IL1RAPL2: variants seen among roughly 807,000 people sequenced by gnomAD.
The protein encoded by IL1RAPL2 is interleukin 1 receptor accessory protein like 2, also known as X-linked interleukin-1 receptor accessory protein-like 2.
A neutral mutation model predicts 44.1 loss-of-function variants in IL1RAPL2; 3 were observed. That is an observed-to-expected ratio of 0.07 (90% CI 0.03 to 0.18). IL1RAPL2 has a LOEUF of 0.18. Among genes scored for constraint, IL1RAPL2 ranks in the 10% least tolerant of loss-of-function variants. The pLI, the probability that IL1RAPL2 is intolerant of heterozygous loss-of-function variation, is 1.00. For synonymous variants in IL1RAPL2, 181 were observed against 178.8 expected (o/e 1.01, Z -0.10); for missense variants, 391 against 496.4 (o/e 0.79, Z 2.02).
intron 6 of IL1RAPL2, among the ~76,000 whole-genome samples, chrX:105,568,826 TA>T (rs1417394161): frequency 2.9e-4 from 33 of 111,895 alleles, no homozygotes; most frequent in African/African-American, 1.0e-3. Flanking sequence ...ATGCTGGCTT[TA>T]AAAAATAAGT....
chrX:105,450,729 C>G (rs1311887539), intron 5 of IL1RAPL2, among the ~76,000 whole-genome samples: 1 of 111,892 alleles, frequency 8.9e-6, no homozygotes, highest in Non-Finnish European at 1.9e-5. Flanking sequence ...GAATAATAAT[C>G]TCTTTCATTT....
At chrX:104,595,905 A>G (rs1475662493) in intron 1 of IL1RAPL2, among the ~76,000 whole-genome samples, 1 of 79,644 alleles carries the variant, frequency 1.3e-5, no homozygotes. Flanking sequence ...GTTGGGGCCC[A>G]GGAACCTTTT....
chrX:105,447,458 CATAAATATAAATATAA>C (rs1217699982), intron 5 of IL1RAPL2, among the ~76,000 whole-genome samples: 5 of 54,539 alleles, frequency 9.2e-5, no homozygotes, highest in African/African-American at 1.5e-4. Context: ...TATAAATAAA[CATAAATATAAATATAA>C]ATAAATATAA....
intron 2 of IL1RAPL2, among the ~76,000 whole-genome samples, chrX:104,880,075 A>AT (rs11316128): frequency 7.4e-4 from 81 of 108,846 alleles, no homozygotes; most frequent in African/African-American, 2.3e-3. Context: ...CTGTTTTGCA[A>AT]TTTTTTTTTA....
In IL1RAPL2 at chrX:105,267,450, A is replaced by G; in HGVS notation, c.606A>G (p.Gln202=). The G allele has an allele frequency of 8.3e-7, 1 of 1,197,983 alleles. No individual in the cohort carries two copies. Among genetic ancestry groups the G allele is most frequent in the Non-Finnish European group, 1.1e-6 (1 of 885,101 alleles). ...IIQKGNALLI[Q]EVQEEDGGNY... ...AGAAAGGAAATGCTCTTCTGATCCA[A>G]GAAGTTCAAGAAGAAGATGGAGGAA... is the stretch of plus-strand genomic sequence containing the variant. The change falls in exon 5 of 11, where the codon CAA becomes CAG. Residue 202 remains glutamine (Q), a synonymous_variant. Coordinates refer to ENST00000372582, the MANE Select transcript of IL1RAPL2 (RefSeq NM_017416.2).
At chrX:104,890,853 T>G (rs142169986) in intron 2 of IL1RAPL2, among the ~76,000 whole-genome samples, 5,977 of 111,922 alleles carry the variant, frequency 0.053, 420 homozygotes, top group African/African-American at 0.19. Context: ...TTCTGGTGTT[T>G]TAGACATGAA....
chrX:105,538,032 CT>C (rs1191360462), intron 6 of IL1RAPL2, among the ~76,000 whole-genome samples: 111 of 80,712 alleles, frequency 1.4e-3, no homozygotes, highest in African/African-American at 3.4e-3. Context: ...ATTTTCCCTT[CT>C]TTTTTTTTTT....
intron 3 of IL1RAPL2, among the ~76,000 whole-genome samples, chrX:105,213,390 C>G (rs1029944521): frequency 1.8e-5 from 2 of 108,129 alleles, no homozygotes; most frequent in Non-Finnish European, 3.8e-5. Context: ...GATTGAACAT[C>G]AACTTACTGA....
At chrX:105,292,931 G>A (rs2034624848) in intron 5 of IL1RAPL2, among the ~76,000 whole-genome samples, 1 of 109,449 alleles carries the variant, frequency 9.1e-6, no homozygotes, top group Non-Finnish European at 1.9e-5. Flanking sequence ...GGCCAATATG[G>A]TGAAACTCCA....
intron 5 of IL1RAPL2, among the ~76,000 whole-genome samples, chrX:105,482,950 T>C (rs141008367): frequency 0.018 from 1,983 of 109,507 alleles, 52 homozygotes; most frequent in African/African-American, 0.063. Context: ...TAAGTAAGGG[T>C]TGTTTTATGA....
At chrX:105,389,408 C>T (rs971184792) in intron 5 of IL1RAPL2, among the ~76,000 whole-genome samples, 1 of 112,092 alleles carries the variant, frequency 8.9e-6, no homozygotes, top group African/African-American at 3.2e-5. Context: ...TTGACTCCCT[C>T]TCTTAATTAC....
chrX:105,654,392 C>T (rs1026668636), intron 6 of IL1RAPL2, among the ~76,000 whole-genome samples: 1 of 111,309 alleles, frequency 9.0e-6, no homozygotes, highest in Non-Finnish European at 1.9e-5. Context: ...CCTTTAATCT[C>T]TTACCTTAGC....
intron 2 of IL1RAPL2, among the ~76,000 whole-genome samples, chrX:105,062,386 T>C (rs2032086223): frequency 8.9e-6 from 1 of 111,955 alleles, no homozygotes; most frequent in African/African-American, 3.2e-5. Context: ...TATTGTACTA[T>C]CTATATCTTG....
intron 5 of IL1RAPL2, among the ~76,000 whole-genome samples, chrX:105,473,559 C>T (rs1313963015): frequency 6.2e-5 from 7 of 112,059 alleles, no homozygotes; most frequent in African/African-American, 1.6e-4. Flanking sequence ...ATTTAATATC[C>T]GGTTGTCATC....
At chrX:104,995,366 C>T (rs747057296) in intron 2 of IL1RAPL2, among the ~76,000 whole-genome samples, 3 of 111,710 alleles carry the variant, frequency 2.7e-5, no homozygotes, top group African/African-American at 9.7e-5. Context: ...TTAAAAGTAA[C>T]ATATTAGTAA....
At chrX:105,118,245 C>G in intron 2 of IL1RAPL2, among the ~76,000 whole-genome samples, 1 of 112,152 alleles carries the variant, frequency 8.9e-6, no homozygotes, top group Non-Finnish European at 1.9e-5. Flanking sequence ...GATCCAGAAA[C>G]AAAAAACCAC....
At chrX:104,945,816 G>C (rs1390703012) in intron 2 of IL1RAPL2, among the ~76,000 whole-genome samples, 2 of 111,543 alleles carry the variant, frequency 1.8e-5, no homozygotes, top group Non-Finnish European at 3.8e-5. Context: ...ATGTGATTCA[G>C]TATTAGTCAT....
intron 2 of IL1RAPL2, among the ~76,000 whole-genome samples, chrX:104,901,961 T>C (rs1187442521): frequency 8.9e-6 from 1 of 112,376 alleles, no homozygotes; most frequent in Non-Finnish European, 1.9e-5. Flanking sequence ...TTCTGTAATA[T>C]AAATAGTATG....
At chrX:105,641,428 T>C (rs924039519) in intron 6 of IL1RAPL2, among the ~76,000 whole-genome samples, 2 of 111,142 alleles carry the variant, frequency 1.8e-5, no homozygotes, top group African/African-American at 6.6e-5. Flanking sequence ...CTAGACAATC[T>C]TGATATTCAA....
Sources: allele counts gnomAD v4.1 joint callset (sites outside exome capture counted in the v4.1 genomes callset), GRCh38; gene constraint gnomAD v4.1.1; transcripts MANE v1.5; gene names NCBI Gene and HGNC (gene_info 2026-07-23, HGNC 2026-07-21).